The following RFX3 variants were observed in gnomAD, a reference collection of about 807,000 sequenced individuals.
RFX3 encodes the protein regulatory factor X3.
Under a neutral mutation model 98.6 loss-of-function variants are expected in RFX3, and 14 were observed. The ratio of observed to expected loss-of-function variants is 0.14; its 90% CI spans 0.09 to 0.22. The LOEUF is 0.22. RFX3 is among the 10% of genes least tolerant of loss of function. The probability of loss-of-function intolerance (pLI) is 1.00; values close to 1 mark genes in which losing one functional copy is unlikely to be tolerated. For synonymous variants in RFX3, 383 were observed against 328.4 expected, an observed-to-expected ratio of 1.17 and a Z score of -1.80; for missense variants, 639 against 926.9, an observed-to-expected ratio of 0.69 and a Z score of 4.03.
At chr9:3,225,896 C>T (rs981540910) in intron 16 of RFX3, among the ~76,000 whole-genome samples, 1 of 152,084 alleles carries the variant, frequency 6.6e-6, no homozygotes, top group African/African-American at 2.4e-5. Flanking sequence ...TAAAAATGTG[C>T]AATGGATTTC....
At chr9:3,296,529 CAGTT>C (rs1828013564) in intron 5 of RFX3, among the ~76,000 whole-genome samples, 1 of 151,790 alleles carries the variant, frequency 6.6e-6, no homozygotes, top group South Asian at 2.1e-4. Context: ...TTCAAAAAAT[CAGTT>C]TGTTTATATG....
In RFX3 at chr9:3,270,470, T is replaced by G. The variant is rs952130687; in HGVS notation, c.1258A>C (p.Lys420Gln). 6.2e-7 allele frequency: 1 copy of G among 1,613,762 alleles called. No individual in the cohort carries two copies. Among genetic ancestry groups the G allele is most frequent in the Non-Finnish European group, 8.5e-7 (1 of 1,179,734 alleles). The part of the protein sequence containing the change: ...LPKAKLITLC[K>Q]HESILKWMCN... ...ATCCATTTCAGGATAGACTCATGTT[T>G]GCACAGAGTTATCAGCTTTGCTTTC... is the stretch of plus-strand genomic sequence containing the variant. The change falls in exon 11 of 17, where the codon AAA (lysine) becomes CAA (glutamine). Residue 420 changes from lysine (K) to glutamine (Q), a missense_variant. By Grantham distance (53) the Lys-to-Gln change is moderately conservative. Transcript: ENST00000617270.
At chr9:3,494,950 G>T (rs1156261571) in intron 1 of RFX3, among the ~76,000 whole-genome samples, 1 of 151,862 alleles carries the variant, frequency 6.6e-6, no homozygotes, top group East Asian at 1.9e-4. Context: ...GTGTTAAAAG[G>T]CCTTACCAAT....
intron 3 of RFX3, among the ~76,000 whole-genome samples, chr9:3,333,953 G>T (rs1832875569): frequency 1.3e-5 from 2 of 152,140 alleles, no homozygotes; most frequent in East Asian, 3.9e-4. Context: ...TGAGGTAGGT[G>T]CTGTTATATT....
intron 13 of RFX3, among the ~76,000 whole-genome samples, chr9:3,258,457 A>T (rs1246353023): frequency 6.6e-6 from 1 of 152,094 alleles, no homozygotes; most frequent in East Asian, 1.9e-4. Context: ...GGACATTTCA[A>T]CCTGAAGGCA....
At chr9:3,397,176 A>G (rs950928511) in intron 1 of RFX3, among the ~76,000 whole-genome samples, 2 of 152,188 alleles carry the variant, frequency 1.3e-5, no homozygotes, top group African/African-American at 4.8e-5. Flanking sequence ...TTACTCTAAC[A>G]GGTATGCTTT....
At chr9:3,385,859 A>C (rs1839661976) in intron 2 of RFX3, among the ~76,000 whole-genome samples, 1 of 152,104 alleles carries the variant, frequency 6.6e-6, no homozygotes, top group African/African-American at 2.4e-5. Flanking sequence ...TTCCACCCTA[A>C]TTTCCTAAAG....
chr9:3,289,517 G>C (rs1435491247), intron 6 of RFX3, among the ~76,000 whole-genome samples: 1 of 152,096 alleles, frequency 6.6e-6, no homozygotes, highest in Non-Finnish European at 1.5e-5. Flanking sequence ...TCCTGTACAA[G>C]CTGGAGGACA....
intron 1 of RFX3, among the ~76,000 whole-genome samples, chr9:3,402,190 T>C (rs1194123582): frequency 6.6e-6 from 1 of 152,190 alleles, no homozygotes; most frequent in African/African-American, 2.4e-5. Flanking sequence ...ATCCACCTAA[T>C]TTTTATTGGG....
intron 2 of RFX3, among the ~76,000 whole-genome samples, chr9:3,350,481 T>C (rs549038856): frequency 1.3e-5 from 2 of 152,206 alleles, no homozygotes; most frequent in Non-Finnish European, 2.9e-5. Flanking sequence ...TGGAAAATGG[T>C]AGACACTTGG....
At chr9:3,497,787 A>T (rs1851217300) in intron 1 of RFX3, among the ~76,000 whole-genome samples, 1 of 152,014 alleles carries the variant, frequency 6.6e-6, no homozygotes, top group African/African-American at 2.4e-5. Flanking sequence ...TTTTACCTTT[A>T]GCTGAAGCTG....
chr9:3,503,313 G>C (rs1816254763), intron 1 of RFX3, among the ~76,000 whole-genome samples: 1 of 152,124 alleles, frequency 6.6e-6, no homozygotes. Flanking sequence ...TAAGTTCAAA[G>C]AGAGAAAGAT....
At chr9:3,395,389 C>T (rs1205367915) in intron 2 of RFX3, 83 bp downstream of exon 2, 1 of 1,498,406 alleles carries the variant, frequency 6.7e-7, no homozygotes, top group Non-Finnish European at 9.2e-7. Context: ...CAGTAAAGTT[C>T]AAATAATTTT....
At chr9:3,267,824 T>C (rs939163831) in intron 11 of RFX3, among the ~76,000 whole-genome samples, 1 of 151,862 alleles carries the variant, frequency 6.6e-6, no homozygotes, top group African/African-American at 2.4e-5. Flanking sequence ...AAATTAATAA[T>C]CCCTTTTGAA....
intron 14 of RFX3, among the ~76,000 whole-genome samples, chr9:3,255,873 A>G (rs144761012): frequency 6.6e-6 from 1 of 152,246 alleles, no homozygotes; most frequent in African/African-American, 2.4e-5. Context: ...TTAATAAGCT[A>G]TGTTACTGTC....
chr9:3,329,407 C>CAAAAAAAA lies in RFX3; in HGVS notation c.474+844_474+851dup, dbSNP rs1202028884. On this transcript the variant is annotated intron_variant, in intron 4 of 16. Coordinates refer to ENST00000617270, the MANE Select transcript of RFX3 (RefSeq NM_001282116.2). The stretch of plus-strand genomic sequence containing the variant: ...TGGGCCACAGAGTAAGACTTCATCT[C>CAAAAAAAA]AAAAAAAAAAAAAAAAAAAAACAAA... Among the ~76,000 whole-genome samples, 86 of 37,612 alleles carry CAAAAAAAA rather than the reference C, an allele frequency of 2.3e-3. 2 individuals are homozygous for CAAAAAAAA. The highest frequency in any genetic ancestry group is 3.3e-3 in the African/African-American group (25 of 7,504). The allele number at this position is 37,612 out of a possible 152,430, so 24.7% of individuals were successfully genotyped here.
intron 4 of RFX3, among the ~76,000 whole-genome samples, chr9:3,315,443 C>T (rs990993598): frequency 3.9e-5 from 6 of 152,060 alleles, no homozygotes; most frequent in Non-Finnish European, 8.8e-5. Context: ...AATTGACACC[C>T]TAACATCACA....
At chr9:3,430,022 T>C (rs1312740929) in intron 1 of RFX3, among the ~76,000 whole-genome samples, 1 of 152,214 alleles carries the variant, frequency 6.6e-6, no homozygotes, top group Non-Finnish European at 1.5e-5. Context: ...CAAGTTTTCT[T>C]AGTTACTTAT....
At chr9:3,492,050 C>G (rs898910827) in intron 1 of RFX3, among the ~76,000 whole-genome samples, 2 of 152,166 alleles carry the variant, frequency 1.3e-5, no homozygotes, top group Non-Finnish European at 2.9e-5. Flanking sequence ...TCTGGCACAA[C>G]TATTCAAAAT....
Sources: allele counts gnomAD v4.1 joint callset (sites outside exome capture counted in the v4.1 genomes callset), GRCh38; gene constraint gnomAD v4.1.1; transcripts MANE v1.5; gene names NCBI Gene and HGNC (gene_info 2026-07-23, HGNC 2026-07-21).